The following RGS6 variants were observed in gnomAD, a reference collection of about 807,000 sequenced individuals.
RGS6 encodes regulator of G protein signaling 6.
RGS6 carries 30 observed loss-of-function variants against 78.5 expected under a neutral mutation model. That is an observed-to-expected ratio of 0.38 (90% CI 0.29 to 0.52). RGS6 has a LOEUF of 0.52. Ranked by LOEUF, RGS6 falls within the 20% of genes least tolerant of loss-of-function variation. RGS6 has a pLI of 0.85. For synonymous variants in RGS6, 206 were observed against 206.0 expected, an observed-to-expected ratio of 1.00 and a Z score of 0.00; for missense variants, 495 against 609.7, an observed-to-expected ratio of 0.81 and a Z score of 1.98.
At chr14:72,157,725 G>A (rs530522320) in intron 2 of RGS6, among the ~76,000 whole-genome samples, 4 of 152,298 alleles carry the variant, frequency 2.6e-5, no homozygotes, top group African/African-American at 4.8e-5. Context: ...TGGCAGTCAT[G>A]TGTGGGTGAG....
chr14:72,520,433 A>G (rs2097021167), intron 15 of RGS6, among the ~76,000 whole-genome samples: 2 of 152,232 alleles, frequency 1.3e-5, no homozygotes, highest in Non-Finnish European at 2.9e-5. Flanking sequence ...GTGCTCTCCT[A>G]TCAGAAGGCA....
At chr14:72,412,867 G>T (rs989332369) in intron 3 of RGS6, among the ~76,000 whole-genome samples, 1 of 152,104 alleles carries the variant, frequency 6.6e-6, no homozygotes, top group Admixed American at 6.5e-5. Context: ...TTTCCATGTA[G>T]TTGAGCAGTT....
intron 2 of RGS6, among the ~76,000 whole-genome samples, chr14:72,171,163 C>A (rs545448018): frequency 2.8e-4 from 43 of 151,928 alleles, no homozygotes; most frequent in African/African-American, 8.2e-4. Context: ...TACATGCACA[C>A]GTGCTGAGGA....
At chr14:72,616,681 C>T in the RGS6 span, among the ~76,000 whole-genome samples, 5 of 152,182 alleles carry the variant, frequency 3.3e-5, no homozygotes, top group Admixed American at 2.6e-4. Context: ...GGTTAGGTGA[C>T]TTGCCCAGTG....
the RGS6 span, among the ~76,000 whole-genome samples, chr14:72,610,791 C>T: frequency 6.6e-6 from 1 of 152,146 alleles, no homozygotes; most frequent in Non-Finnish European, 1.5e-5. Flanking sequence ...GAGCTGGGGA[C>T]CTGAGGGCTC....
intron 2 of RGS6, among the ~76,000 whole-genome samples, chr14:72,173,913 C>T (rs2097064477): frequency 6.6e-6 from 1 of 152,156 alleles, no homozygotes; most frequent in African/African-American, 2.4e-5. Flanking sequence ...GCCCAGGCCA[C>T]CTGTAAAGAG....
intron 2 of RGS6, among the ~76,000 whole-genome samples, chr14:72,325,957 G>C (rs2073635234): frequency 6.6e-6 from 1 of 152,164 alleles, no homozygotes; most frequent in South Asian, 2.1e-4. Context: ...CCATGAATTG[G>C]TACAATGTTG....
At chr14:71,985,853 A>G (rs189611100) in intron 2 of RGS6, among the ~76,000 whole-genome samples, 6 of 152,318 alleles carry the variant, frequency 3.9e-5, no homozygotes, top group East Asian at 3.9e-4. Flanking sequence ...TTCTTAAGCA[A>G]CTAACTAAAT....
intron 2 of RGS6, among the ~76,000 whole-genome samples, chr14:72,157,880 A>C (rs2096795503): frequency 6.6e-6 from 1 of 151,946 alleles, no homozygotes; most frequent in Non-Finnish European, 1.5e-5. Flanking sequence ...TCTGGGATAC[A>C]TGTGCAGAAC....
At chr14:72,343,001 G>A (rs2077329201) in intron 2 of RGS6, among the ~76,000 whole-genome samples, 1 of 152,174 alleles carries the variant, frequency 6.6e-6, no homozygotes, top group Admixed American at 6.5e-5. Context: ...TTCCCCAGAA[G>A]GAGAAGATGC....
upstream of RGS6, among the ~76,000 whole-genome samples, chr14:71,928,491 T>A (rs559729828): frequency 5.9e-5 from 9 of 152,252 alleles, no homozygotes; most frequent in African/African-American, 2.2e-4. Flanking sequence ...CTCATTATCC[T>A]CCCCAAAGCC....
At chr14:72,185,861 C>T (rs1321842728) in intron 2 of RGS6, among the ~76,000 whole-genome samples, 1 of 152,232 alleles carries the variant, frequency 6.6e-6, no homozygotes, top group Non-Finnish European at 1.5e-5. Context: ...TGGAGGATTG[C>T]TTGAGCTTGA....
In RGS6 at chr14:72,287,564, C is replaced by A. The variant is rs180979438; in HGVS notation, c.85-64531C>A. On this transcript the variant is annotated intron_variant, in intron 2 of 17. Coordinates refer to ENST00000553525, the MANE Select transcript of RGS6 (RefSeq NM_001204424.2). ...CTCCGCCTCCCCAGTTCAAGTGATT[C>A]TCCTGCCTCAGCCTCCCAAGTAGCT... Among the ~76,000 whole-genome samples the A allele has an allele frequency of 3.9e-3, 594 of 152,272 alleles. 3 individuals are homozygous for A. The highest frequency in any genetic ancestry group is 0.013 in the African/African-American group (532 of 41,554).
Position 72,476,726 on chromosome 14 carries a change from T to G in RGS6, c.694-16T>G. 6.2e-7 allele frequency: 1 copy of G among 1,612,698 alleles called. No individual in the cohort carries two copies. Among genetic ancestry groups the G allele is most frequent in the Non-Finnish European group, 8.5e-7 (1 of 1,178,848 alleles). ...TCTGTGGGTGGATGATCCTCTGTGC[T>G]TGCTTCTTCTCCTAGTCCGTGTATG... On this transcript the variant is annotated splice_polypyrimidine_tract_variant and intron_variant, in intron 10 of 17. Coordinates refer to ENST00000553525, the MANE Select transcript of RGS6 (RefSeq NM_001204424.2).
intron 15 of RGS6, among the ~76,000 whole-genome samples, chr14:72,533,233 C>G (rs1008664524): frequency 6.6e-6 from 1 of 152,190 alleles, no homozygotes; most frequent in Non-Finnish European, 1.5e-5. Context: ...ATAAATGGAC[C>G]AACAAAGTCT....
chr14:72,433,177 A>G (rs2094731175), intron 3 of RGS6, among the ~76,000 whole-genome samples: 1 of 152,166 alleles, frequency 6.6e-6, no homozygotes, highest in African/African-American at 2.4e-5. Flanking sequence ...TGTTTTCTGG[A>G]TCACCTGTCC....
intron 2 of RGS6, among the ~76,000 whole-genome samples, chr14:72,097,929 C>T (rs746122290): frequency 1.3e-5 from 2 of 152,116 alleles, no homozygotes; most frequent in Non-Finnish European, 2.9e-5. Flanking sequence ...ACTTTGAAAG[C>T]GGGAATGTAT....
chr14:72,045,635 C>G (rs2092772286), intron 2 of RGS6, among the ~76,000 whole-genome samples: 1 of 151,876 alleles, frequency 6.6e-6, no homozygotes, highest in African/African-American at 2.4e-5. Context: ...GGACTACATA[C>G]CAGTTTCTTA....
intron 2 of RGS6, among the ~76,000 whole-genome samples, chr14:72,140,674 C>G (rs1411764227): frequency 1.3e-5 from 2 of 152,200 alleles, no homozygotes; most frequent in Non-Finnish European, 2.9e-5. Context: ...GTAAAAGCGC[C>G]CTTGGTACAT....
Sources: gnomAD v4.1 joint callset for allele counts (sites outside exome capture counted in the v4.1 genomes callset) on GRCh38, gnomAD v4.1.1 for gene constraint, MANE v1.5 for transcripts, NCBI Gene and HGNC (gene_info 2026-07-23, HGNC 2026-07-21) for gene names.